CCDC171: variants seen among roughly 807,000 people sequenced by gnomAD.
The protein encoded by CCDC171 is coiled-coil domain containing 171.
Under a neutral mutation model 168.2 loss-of-function variants are expected in CCDC171, and 177 were observed. The ratio of observed to expected loss-of-function variants is 1.05; its 90% confidence interval spans 0.93 to 1.19. The LOEUF (loss-of-function observed/expected upper bound fraction) is 1.19. Among genes scored for constraint, CCDC171 ranks in the 50% most tolerant of loss-of-function variants. CCDC171 has a pLI of 0.00. For missense variants in CCDC171, 1,991 were observed against 1,539.0 expected, an observed-to-expected ratio of 1.29 and a Z score of -4.91; for synonymous variants, 687 against 540.8, an observed-to-expected ratio of 1.27 and a Z score of -3.75.
intron 25 of CCDC171, among the ~76,000 whole-genome samples, chr9:15,961,722 A>G (rs1379929293): frequency 6.6e-6 from 1 of 152,178 alleles, no homozygotes; most frequent in South Asian, 2.1e-4. Flanking sequence ...ATATAGATGT[A>G]TTTCAGTATA....
the CCDC171 span, among the ~76,000 whole-genome samples, chr9:16,080,032 GCTT>G: frequency 1.3e-5 from 2 of 152,106 alleles, no homozygotes; most frequent in South Asian, 2.1e-4. Context: ...CATGGCATCA[GCTT>G]CTTCTTACAA....
intron 23 of CCDC171, among the ~76,000 whole-genome samples, chr9:15,851,087 G>A (rs548770726): frequency 3.9e-5 from 6 of 152,010 alleles, no homozygotes; most frequent in Non-Finnish European, 7.4e-5. Flanking sequence ...TCCTGCAGAC[G>A]TTATTTCTTT....
At chr9:15,625,088 G>A (rs2044943226) in intron 7 of CCDC171, among the ~76,000 whole-genome samples, 1 of 152,148 alleles carries the variant, frequency 6.6e-6, no homozygotes, top group Non-Finnish European at 1.5e-5. Context: ...ATTTTTTCAT[G>A]TGTCTGTTGG....
chr9:15,890,764 A>G (rs1820113544), intron 24 of CCDC171, among the ~76,000 whole-genome samples: 1 of 152,184 alleles, frequency 6.6e-6, no homozygotes, highest in Non-Finnish European at 1.5e-5. Flanking sequence ...AACCTGTTTT[A>G]AAAACTAAAA....
intron 9 of CCDC171, among the ~76,000 whole-genome samples, chr9:15,677,865 ATGTG>A (rs71325928): frequency 7.0e-5 from 7 of 99,512 alleles, no homozygotes; most frequent in Non-Finnish European, 1.4e-4. Context: ...GTATATATAT[ATGTG>A]TGTGTGTGTC....
intron 8 of CCDC171, among the ~76,000 whole-genome samples, chr9:15,665,745 C>T (rs918419174): frequency 5.9e-5 from 9 of 152,212 alleles, no homozygotes; most frequent in Non-Finnish European, 1.3e-4. Context: ...CACACTACTG[C>T]ACTTCAGCCT....
At chr9:15,636,749 CAAAAA>C (rs35778640) in intron 7 of CCDC171, among the ~76,000 whole-genome samples, 3 of 64,674 alleles carry the variant, frequency 4.6e-5, no homozygotes, top group Non-Finnish European at 5.7e-5. Context: ...GACCCTGCCT[CAAAAA>C]AAAAAAAAAA....
chr9:15,887,483 T>C (rs1819585137), intron 24 of CCDC171, among the ~76,000 whole-genome samples: 1 of 152,038 alleles, frequency 6.6e-6, no homozygotes, highest in Non-Finnish European at 1.5e-5. Context: ...AAGAAAACAT[T>C]AAAAGGTAAA....
At chr9:16,048,497 C>T (rs143512293) in intron 1 of CCDC171, among the ~76,000 whole-genome samples, 17 of 152,258 alleles carry the variant, frequency 1.1e-4, no homozygotes, top group Non-Finnish European at 1.9e-4. Context: ...GTAACAGTGA[C>T]AACCCCCCTC....
chr9:15,693,485 A>G (rs1041929478), intron 10 of CCDC171, among the ~76,000 whole-genome samples: 2 of 151,548 alleles, frequency 1.3e-5, no homozygotes, highest in South Asian at 2.1e-4. Flanking sequence ...AAAAAAAAAA[A>G]CAGACATTTA....
rs560633403 is a variant in CCDC171 at position 16,009,057 on chromosome 9, T to A, written n.369-11532T>A. Among the ~76,000 whole-genome samples, 321 of 151,674 alleles carry A rather than the reference T, an allele frequency of 2.1e-3. 1 individual carries two copies. The highest frequency in any genetic ancestry group is 7.3e-3 in the African/African-American group (301 of 41,504). On this transcript the variant is annotated intron_variant and non_coding_transcript_variant, in intron 3 of 9. Coordinates refer to the CCDC171 transcript ENST00000486641. ...TATAATTTTATAATTAATATAAAAA[T>A]TGTATTATTATAATTTTGCAAAGAT...
chr9:15,677,976 C>G (rs1204821600), intron 9 of CCDC171, among the ~76,000 whole-genome samples: 1 of 133,922 alleles, frequency 7.5e-6, no homozygotes, highest in East Asian at 2.4e-4. Context: ...GTGGCACAAT[C>G]ATAGCTCACT....
intron 7 of CCDC171, 60 bp downstream of exon 7, chr9:15,623,473 GCGCACACA>G (rs1207484469): frequency 5.6e-5 from 26 of 464,718 alleles, no homozygotes; most frequent in African/African-American, 3.6e-4. Flanking sequence ...ATGCGCGCGC[GCGCACACA>G]CACACACACA....
At chr9:15,637,411 G>C (rs909233645) in intron 7 of CCDC171, among the ~76,000 whole-genome samples, 2 of 151,432 alleles carry the variant, frequency 1.3e-5, no homozygotes, top group Admixed American at 1.3e-4. Context: ...GATGTTATAG[G>C]TATAATATTA....
chr9:15,755,178 T>C (rs963477585), intron 18 of CCDC171, among the ~76,000 whole-genome samples: 1 of 152,182 alleles, frequency 6.6e-6, no homozygotes, highest in Non-Finnish European at 1.5e-5. Flanking sequence ...AAATCTAGAC[T>C]GGTTCTTTCT....
At chr9:15,999,348 A>C (rs1832469592) in intron 3 of CCDC171, among the ~76,000 whole-genome samples, 1 of 147,608 alleles carries the variant, frequency 6.8e-6, no homozygotes, top group African/African-American at 2.5e-5. Flanking sequence ...GAAGGAAGGA[A>C]GGAAGGGTGA....
rs111308637 is a variant in CCDC171, at chr9:15,860,649, A to G, written c.3468+11702A>G. Among the ~76,000 whole-genome samples, 38 of 152,032 alleles carry G rather than the reference A, an allele frequency of 2.5e-4. 3 individuals are homozygous for G. The highest frequency in any genetic ancestry group is 8.7e-4 in the African/African-American group (36 of 41,482). On this transcript the variant is annotated intron_variant, in intron 23 of 25. Coordinates refer to ENST00000380701, the MANE Select transcript of CCDC171 (RefSeq NM_173550.4). ...TGATTTTAATATTCTTAAATCTATT[A>G]AGACTTGTTTTGACACCTAACATAT...
intron 21 of CCDC171, among the ~76,000 whole-genome samples, chr9:15,832,902 C>T (rs934778044): frequency 2.8e-5 from 4 of 144,794 alleles, no homozygotes; most frequent in African/African-American, 7.7e-5. Context: ...GACATGAATA[C>T]GCGTTAGCCT....
chr9:15,677,394 A>G (rs1016735235), intron 9 of CCDC171, among the ~76,000 whole-genome samples: 15 of 152,164 alleles, frequency 9.9e-5, no homozygotes, highest in Admixed American at 7.9e-4. Flanking sequence ...GTTCCACCCC[A>G]GAGAAAATAA....
Sources: allele counts gnomAD v4.1 joint callset (sites outside exome capture counted in the v4.1 genomes callset), GRCh38; gene constraint gnomAD v4.1.1; transcripts MANE v1.5; gene names NCBI Gene and HGNC (gene_info 2026-07-23, HGNC 2026-07-21).